PARVB: variants seen among roughly 807,000 people sequenced by gnomAD.
PARVB encodes parvin beta.
Under a neutral mutation model 47.0 loss-of-function variants are expected in PARVB, and 46 were observed. The ratio of observed to expected loss-of-function variants is 0.98; its 90% CI spans 0.77 to 1.25. PARVB has a LOEUF of 1.25. Among genes scored for constraint, PARVB ranks in the 50% most tolerant of loss-of-function variants. The pLI is 0.00. For missense variants in PARVB, 473 were observed against 471.6 expected (o/e 1.00, Z -0.03); for synonymous variants, 196 against 196.3 (o/e 1.00, Z 0.01).
intron 2 of PARVB, among the ~76,000 whole-genome samples, chr22:43,999,896 A>G (rs918923498): frequency 1.5e-4 from 22 of 150,134 alleles, no homozygotes; most frequent in African/African-American, 4.9e-4. Flanking sequence ...GGTCTCATCT[A>G]CTTGGGAGAC....
intron 1 of PARVB, among the ~76,000 whole-genome samples, chr22:44,053,797 TC>T (rs1308075373): frequency 6.6e-6 from 1 of 152,200 alleles, no homozygotes. Flanking sequence ...TACTTATATT[TC>T]CTGGTTTATT....
chr22:44,044,847 T>A (rs941847153), intron 1 of PARVB, among the ~76,000 whole-genome samples: 2 of 152,178 alleles, frequency 1.3e-5, no homozygotes. Flanking sequence ...TATATTTCCA[T>A]AAAAACCCCA....
intron 1 of PARVB, chr22:44,031,344 T>C (rs2050823282): frequency 6.6e-6 from 1 of 152,242 alleles, no homozygotes. Flanking sequence ...CTGACTATAA[T>C]CTTCAAACCC....
intron 2 of PARVB, among the ~76,000 whole-genome samples, chr22:44,008,286 A>G (rs1390411362): frequency 6.6e-6 from 1 of 151,742 alleles, no homozygotes; most frequent in Non-Finnish European, 1.5e-5. Flanking sequence ...TGATTTTTGT[A>G]TTTTAGTAGA....
At chr22:44,151,801 A>C in intron 10 of PARVB, 1 of 448,100 alleles carries the variant, frequency 2.2e-6, no homozygotes, top group Non-Finnish European at 4.1e-6. Context: ...GAAGTGCTGG[A>C]GGCCTGAAGT....
intron 1 of PARVB, among the ~76,000 whole-genome samples, chr22:44,083,240 T>C (rs1212210320): frequency 1.3e-5 from 2 of 152,236 alleles, no homozygotes; most frequent in East Asian, 1.9e-4. Context: ...TCCCTGACTT[T>C]CTCTTGTAGA....
chr22:44,120,898 C>T (rs1051951819), intron 4 of PARVB, among the ~76,000 whole-genome samples: 21 of 151,412 alleles, frequency 1.4e-4, no homozygotes, highest in African/African-American at 5.1e-4. Context: ...GGCTGGAGTG[C>T]AGTGGTGCGA....
At chr22:44,076,310 C>T (rs762415232) in intron 1 of PARVB, among the ~76,000 whole-genome samples, 10 of 152,324 alleles carry the variant, frequency 6.6e-5, no homozygotes, top group South Asian at 4.1e-4. Context: ...GGTGAAAGGG[C>T]GGCCACCCGC....
At position 44,100,093 on chromosome 22, in the gene PARVB, G is replaced by T; in HGVS notation, c.243G>T (p.Lys81Asn). The stretch of plus-strand genomic sequence containing the variant: ...GCACGATGATTGACCCCACTTCCAA[G>T]GAAGACCCCAAGTTCAAGGAACTGG... Reference protein sequence around the residue: ...EERTMIDPTSKEDPKFKELVK... With the variant: ...EERTMIDPTSNEDPKFKELVK... The change falls in exon 3 of 13, where the codon AAG becomes AAT. Residue 81 changes from lysine to asparagine, a missense_variant. Lys to Asn is a moderately conservative substitution (Grantham distance 94). Transcript: ENST00000338758. 2 of 1,614,066 alleles carry T rather than the reference G, an allele frequency of 1.2e-6. No homozygotes were observed. The highest frequency in any genetic ancestry group is 1.1e-5 in the South Asian group (1 of 91,082).
intron 1 of PARVB, among the ~76,000 whole-genome samples, chr22:44,040,646 C>T (rs1408533692): frequency 6.6e-6 from 1 of 152,172 alleles, no homozygotes; most frequent in Non-Finnish European, 1.5e-5. Context: ...GGGAATGCAG[C>T]CCTGCTGACA....
chr22:44,085,142 G>A (rs991791325), intron 1 of PARVB, among the ~76,000 whole-genome samples: 6 of 152,044 alleles, frequency 3.9e-5, no homozygotes, highest in African/African-American at 1.4e-4. Flanking sequence ...TAAATATCAT[G>A]CTGTATTTAT....
chr22:44,098,320 C>T (rs570186791), intron 2 of PARVB, among the ~76,000 whole-genome samples: 11 of 152,282 alleles, frequency 7.2e-5, no homozygotes, highest in African/African-American at 1.9e-4. Flanking sequence ...CACACAGGCA[C>T]ACAAAGTCCT....
intron 1 of PARVB, among the ~76,000 whole-genome samples, chr22:44,024,977 TTA>T (rs1165070910): frequency 3.3e-5 from 5 of 152,162 alleles, no homozygotes; most frequent in African/African-American, 1.2e-4. Context: ...ATTTTTTTTT[TTA>T]AATTTTTTAC....
chr22:44,065,156 G>A (rs1231100650), intron 1 of PARVB, among the ~76,000 whole-genome samples: 13 of 152,064 alleles, frequency 8.5e-5, no homozygotes, highest in Admixed American at 8.5e-4. Context: ...TCACTGACTA[G>A]TTTTGGGGTT....
rs1200220581 is a variant in PARVB at position 44,169,615 on chromosome 22, T to G, written c.*937T>G. ...GAATTACATCCTCAGGCCTTTCGCC[T>G]TGGCTTGTAGATGCCGGCTTCTCCC... On this transcript the variant is annotated 3_prime_UTR_variant, in exon 13 of 13. Transcript: ENST00000338758. 1 of 150,646 alleles carries G rather than the reference T, an allele frequency of 6.6e-6. No individual in the cohort carries two copies. The highest frequency in any genetic ancestry group is 2.5e-5 in the African/African-American group (1 of 39,916). The allele number at this position is 150,646 out of a possible 1,614,324, so 9.3% of individuals were successfully genotyped here.
intron 12 of PARVB, among the ~76,000 whole-genome samples, chr22:44,165,330 G>C (rs1352757396): frequency 6.6e-6 from 1 of 152,166 alleles, no homozygotes; most frequent in African/African-American, 2.4e-5. Flanking sequence ...CAAGGGAGCA[G>C]GGCTTTGTCC....
chr22:44,086,939 T>C, intron 1 of PARVB: 1 of 560,640 alleles, frequency 1.8e-6, no homozygotes, highest in Non-Finnish European at 2.3e-6. Context: ...AGGATCCCGA[T>C]GCCCCCTCCC....
intron 1 of PARVB, among the ~76,000 whole-genome samples, chr22:44,032,630 C>T (rs1328200563): frequency 2.0e-5 from 3 of 152,070 alleles, no homozygotes; most frequent in Admixed American, 6.6e-5. Flanking sequence ...GGAAGGAAAG[C>T]CTCATCAGCA....
At chr22:44,052,151 T>C (rs1313010567) in intron 1 of PARVB, among the ~76,000 whole-genome samples, 1 of 152,242 alleles carries the variant, frequency 6.6e-6, no homozygotes, top group Non-Finnish European at 1.5e-5. Context: ...AGTCACCATC[T>C]GGCCTTTGAT....
Sources: allele counts gnomAD v4.1 joint callset (sites outside exome capture counted in the v4.1 genomes callset), GRCh38; gene constraint gnomAD v4.1.1; transcripts MANE v1.5; gene names NCBI Gene and HGNC (gene_info 2026-07-23, HGNC 2026-07-21).